KMO: variants seen among roughly 807,000 people sequenced by gnomAD.
KMO encodes the protein kynurenine 3-monooxygenase.
Under a neutral mutation model 57.8 loss-of-function variants are expected in KMO, and 24 were observed. The observed-to-expected ratio is 0.42, with a 90% CI of 0.30 to 0.58. The LOEUF (loss-of-function observed/expected upper bound fraction) is 0.58, where lower values mean the gene tolerates loss of function less well. KMO is among the 20% of genes least tolerant of loss of function. KMO has a pLI of 0.22. For missense variants in KMO, 483 were observed against 588.2 expected, an observed-to-expected ratio of 0.82 and a Z score of 1.85; for synonymous variants, 210 against 193.6, an observed-to-expected ratio of 1.08 and a Z score of -0.70.
intron 2 of KMO, among the ~76,000 whole-genome samples, chr1:241,549,248 A>AGAAG (rs1661288707): frequency 4.1e-5 from 1 of 24,154 alleles, no homozygotes; most frequent in Non-Finnish European, 1.2e-4. Context: ...AAAGAAAGAA[A>AGAAG]GAAAGAAAGA....
Position 241,541,245 on chromosome 1 carries a change from T to G in KMO, c.55-7584T>G, listed in dbSNP as rs115672366. ...TGTGAGAGAGACTGAAGAGGAACAA[T>G]CAATAGGACGTATTGCCTAGCTTCA... On this transcript the variant is annotated intron_variant, in intron 1 of 14. Transcript: ENST00000366559. 1.9e-3 allele frequency among the ~76,000 whole-genome samples: 286 copies of G among 152,196 alleles called. 3 individuals carry two copies. Among genetic ancestry groups the G allele is most frequent in the African/African-American group, 6.6e-3 (272 of 41,516 alleles).
At chr1:241,545,372 A>C (rs1186227918) in intron 1 of KMO, among the ~76,000 whole-genome samples, 1 of 152,164 alleles carries the variant, frequency 6.6e-6, no homozygotes, top group Non-Finnish European at 1.5e-5. Context: ...AAGAAACAGA[A>C]ATGTCTTGTC....
intron 1 of KMO, among the ~76,000 whole-genome samples, chr1:241,540,059 GA>G (rs1175301969): frequency 6.6e-6 from 1 of 152,034 alleles, no homozygotes; most frequent in Non-Finnish European, 1.5e-5. Context: ...TTCATTTTTT[GA>G]AAGAAATTAT....
At chr1:241,563,387 C>T (rs1661952007) in intron 7 of KMO, among the ~76,000 whole-genome samples, 1 of 152,210 alleles carries the variant, frequency 6.6e-6, no homozygotes, top group Non-Finnish European at 1.5e-5. Context: ...TTTAATCTAT[C>T]CTCTTAAATC....
rs1185545555 is a variant in KMO, at chr1:241,592,708, TC to T, written c.*556del. The T allele has an allele frequency of 3.2e-5, 5 of 155,690 alleles. No homozygotes were observed. Among genetic ancestry groups the T allele is most frequent in the African/African-American group, 1.2e-4 (5 of 41,446 alleles). The allele number at this position is 155,690 out of a possible 1,614,324, so 9.6% of individuals were successfully genotyped here. On this transcript the variant is annotated 3_prime_UTR_variant, in exon 15 of 15. Coordinates refer to ENST00000366559, the MANE Select transcript of KMO (RefSeq NM_003679.5). The stretch of plus-strand genomic sequence containing the variant: ...CCACCTTCAAATATAAGTATTATCA[TC>T]TATCTGTTTATCGTCTATCTATCTA...
At chr1:241,550,708 G>C (rs1661362385) in intron 3 of KMO, among the ~76,000 whole-genome samples, 1 of 152,064 alleles carries the variant, frequency 6.6e-6, no homozygotes, top group South Asian at 2.1e-4. Flanking sequence ...CTCAATCTGT[G>C]ATATTCGATT....
chr1:241,574,705 A>C (rs1199968504), intron 10 of KMO, among the ~76,000 whole-genome samples: 2 of 151,956 alleles, frequency 1.3e-5, no homozygotes, highest in Non-Finnish European at 2.9e-5. Context: ...GATGTTCATC[A>C]GGGATGTTTG....
At chr1:241,550,864 A>G (rs1661368773) in intron 3 of KMO, 91 bp from the exon 4 acceptor site, 1 of 640,702 alleles carries the variant, frequency 1.6e-6, no homozygotes, top group East Asian at 3.0e-5. Context: ...CTTGGAGAAT[A>G]TATGAAATTA....
At chr1:241,547,175 C>T (rs1012026647) in intron 1 of KMO, among the ~76,000 whole-genome samples, 1 of 152,104 alleles carries the variant, frequency 6.6e-6, no homozygotes, top group African/African-American at 2.4e-5. Context: ...AGAAAAAATT[C>T]TTCATGATCT....
chr1:241,586,766 T>G, intron 11 of KMO, 30 bp downstream of exon 11: 2 of 1,512,344 alleles, frequency 1.3e-6, no homozygotes, highest in Non-Finnish European at 1.8e-6. Context: ...CAACTGGACA[T>G]GTACTAGCTC....
chr1:241,557,289 C>T (rs1248150447), intron 5 of KMO, among the ~76,000 whole-genome samples: 4 of 152,222 alleles, frequency 2.6e-5, no homozygotes, highest in Non-Finnish European at 5.9e-5. Flanking sequence ...AGTTGCTTTT[C>T]CTCCCTTCAG....
At chr1:241,539,788 G>C (rs1378436416) in intron 1 of KMO, among the ~76,000 whole-genome samples, 1 of 152,158 alleles carries the variant, frequency 6.6e-6, no homozygotes, top group African/African-American at 2.4e-5. Context: ...CAACGGGGCA[G>C]GTAGAAGGAG....
intron 10 of KMO, among the ~76,000 whole-genome samples, chr1:241,583,959 T>C (rs1290536809): frequency 6.6e-6 from 1 of 152,114 alleles, no homozygotes; most frequent in African/African-American, 2.4e-5. Flanking sequence ...ATAATAAACA[T>C]TTATCTCATT....
chr1:241,570,399 T>C (rs1313075630), intron 10 of KMO, among the ~76,000 whole-genome samples: 1 of 152,126 alleles, frequency 6.6e-6, no homozygotes, highest in Non-Finnish European at 1.5e-5. Context: ...CTCTGCTAGT[T>C]TCATAGTTTC....
rs1487743253 is a variant in KMO, at chr1:241,594,311, T to G, written c.*2158T>G. On this transcript the variant is annotated 3_prime_UTR_variant, in exon 15 of 15. Coordinates refer to ENST00000366559, the MANE Select transcript of KMO (RefSeq NM_003679.5). ...CATATGGGCAATTCGGATTTCCTGCTGGACCACAAGGTTCTGTTGATATTA... is the reference window on the plus strand; with the variant it reads ...CATATGGGCAATTCGGATTTCCTGCGGGACCACAAGGTTCTGTTGATATTA... 41 of 1,176,718 alleles carry G rather than the reference T, an allele frequency of 3.5e-5. No homozygotes were observed. Among genetic ancestry groups the G allele is most frequent in the Non-Finnish European group, 4.8e-5 (40 of 837,186 alleles). The allele number at this position is 1,176,718 out of a possible 1,614,324, so 72.9% of individuals were successfully genotyped here.
intron 1 of KMO, among the ~76,000 whole-genome samples, chr1:241,547,139 C>A (rs1423716748): frequency 5.3e-5 from 8 of 152,026 alleles, no homozygotes; most frequent in Admixed American, 5.2e-4. Context: ...GGGCAACACT[C>A]TAAAGCTTTA....
chr1:241,557,645 G>A (rs2147956725), intron 5 of KMO, among the ~76,000 whole-genome samples: 1 of 152,232 alleles, frequency 6.6e-6, no homozygotes, highest in South Asian at 2.1e-4. Flanking sequence ...AGTTTGCTAG[G>A]TATATTCAGG....
chr1:241,535,755 A>C (rs1013434544), intron 1 of KMO, among the ~76,000 whole-genome samples: 5 of 152,300 alleles, frequency 3.3e-5, no homozygotes, highest in African/African-American at 9.6e-5. Context: ...CCTTGTGTGA[A>C]TTACAACTCC....
intron 1 of KMO, 85 bp downstream of exon 1, chr1:241,532,583 C>A (rs1660616112): frequency 1.0e-6 from 1 of 1,001,196 alleles, no homozygotes; most frequent in Non-Finnish European, 1.5e-6. Context: ...GTCACTTCTG[C>A]AAATTGTTAA....
Sources: allele counts gnomAD v4.1 joint callset (sites outside exome capture counted in the v4.1 genomes callset), GRCh38; gene constraint gnomAD v4.1.1; transcripts MANE v1.5; gene names NCBI Gene and HGNC (gene_info 2026-07-23, HGNC 2026-07-21).